Variants in VSX1 observed in about 807,000 individuals in gnomAD.
The protein encoded by VSX1 is homeodomain protein RINX.
Under a neutral mutation model 23.6 loss-of-function variants are expected in VSX1, and 23 were observed. That is an observed-to-expected ratio of 0.97 (90% CI 0.70 to 1.38). The LOEUF is 1.38. Ranked by LOEUF, VSX1 falls within the 40% of genes most tolerant of loss-of-function variation. The pLI is 0.00. For missense variants in VSX1, 517 were observed against 495.4 expected (o/e 1.04, Z -0.41); for synonymous variants, 247 against 215.1 (o/e 1.15, Z -1.30).
intron 1 of VSX1, among the ~76,000 whole-genome samples, chr20:25,080,332 A>G (rs1326556031): frequency 6.6e-6 from 1 of 152,246 alleles, no homozygotes; most frequent in African/African-American, 2.4e-5. Flanking sequence ...CCTGGCTTGG[A>G]TTAAAACATT....
downstream of VSX1, chr20:25,071,145 G>A (rs1180929961): frequency 2.2e-6 from 1 of 454,050 alleles, no homozygotes; most frequent in Non-Finnish European, 4.4e-6. Context: ...GAGGAATCAG[G>A]GCAGAAAAGC....
rs545261094 is a variant in VSX1 at position 25,076,045 on chromosome 20, A to G, written c.*216T>C. The G allele has an allele frequency of 1.6e-6, 1 of 634,064 alleles. No individual in the cohort carries two copies. Among genetic ancestry groups the G allele is most frequent in the East Asian group, 2.8e-5 (1 of 35,446 alleles). The allele number at this position is 634,064 out of a possible 1,614,324, so 39.3% of individuals were successfully genotyped here. On this transcript the variant is annotated 3_prime_UTR_variant, in exon 5 of 5. Transcript: ENST00000376709. ...AGTTTTGCACCAAGTTAACTGGTTA[A>G]AGTGCCATTAAGGAACCGTTTCCAT...
At chr20:25,079,350 G>T in intron 2 of VSX1, 86 bp downstream of exon 2, 1 of 1,368,896 alleles carries the variant, frequency 7.3e-7, no homozygotes, top group Non-Finnish European at 1.0e-6. Context: ...TATCATGCCG[G>T]GCCATAAATT....
chr20:25,074,689 G>A (rs956682131), downstream of VSX1, among the ~76,000 whole-genome samples: 17 of 151,952 alleles, frequency 1.1e-4, no homozygotes, highest in Admixed American at 5.9e-4. Context: ...GTGGCTGCCC[G>A]TATTGTCTAA....
At chr20:25,080,246 T>C (rs555936621) in intron 1 of VSX1, among the ~76,000 whole-genome samples, 3 of 152,360 alleles carry the variant, frequency 2.0e-5, no homozygotes, top group African/African-American at 7.2e-5. Context: ...TGCCTCAAAA[T>C]ATCTTTAAAA....
chr20:25,081,472 A>G, intron 1 of VSX1: 2 of 859,246 alleles, frequency 2.3e-6, no homozygotes, highest in South Asian at 1.3e-5. Flanking sequence ...ACCCCGGATG[A>G]GAGGCAGGGA....
At chr20:25,072,601 T>G (rs571208143), downstream of VSX1, 1 of 471,066 alleles carries the variant, frequency 2.1e-6, no homozygotes, top group Non-Finnish European at 4.4e-6. Context: ...ACAATCGGCT[T>G]AGCAGGTTCA....
chr20:25,079,785 C>T (rs773835329), intron 1 of VSX1, among the ~76,000 whole-genome samples: 6 of 151,908 alleles, frequency 3.9e-5, no homozygotes, highest in East Asian at 3.9e-4. Flanking sequence ...ACTGAGGCAC[C>T]GAATGGTTAA....
downstream of VSX1, among the ~76,000 whole-genome samples, chr20:25,073,290 A>T (rs895690841): frequency 6.6e-6 from 1 of 152,306 alleles, no homozygotes; most frequent in South Asian, 2.1e-4. Flanking sequence ...AACTTAGAAC[A>T]TATTTAAAAA....
In VSX1 at chr20:25,077,689, G is replaced by C; in HGVS notation, c.804C>G (p.Leu268=). Residue 268 remains leucine, a synonymous_variant, in exon 4 of 5, where the codon CTC becomes CTG. Coordinates refer to ENST00000376709, the MANE Select transcript of VSX1 (RefSeq NM_014588.6). ...ATCCCGGGGGCCCTTCCTTACCCAG[G>C]AGCCAGGGCGCGCAGGAGCCCAGCA... is the stretch of plus-strand genomic sequence containing the variant. The part of the protein sequence containing the change: ...GGLLGSCAPW[L]LGMHKKSMGM... The C allele has an allele frequency of 6.5e-7, 1 of 1,547,872 alleles. No homozygotes were observed. The highest frequency in any genetic ancestry group is 1.2e-5 in the South Asian group (1 of 83,992).
intron 1 of VSX1, chr20:25,081,471 G>T (rs1368722422): frequency 7.0e-6 from 6 of 858,946 alleles, no homozygotes; most frequent in Non-Finnish European, 1.2e-5. Flanking sequence ...GACCCCGGAT[G>T]AGAGGCAGGG....
Position 25,080,209 on chromosome 20 carries a change from G to T in VSX1, c.425-695C>A, listed in dbSNP as rs556578860. 2.0e-4 allele frequency among the ~76,000 whole-genome samples: 31 copies of T among 152,332 alleles called. No individual in the cohort carries two copies. The Middle Eastern group carries it at 0.01, about 50-fold the overall frequency. On this transcript the variant is annotated intron_variant, in intron 1 of 4. Coordinates refer to ENST00000376709, the MANE Select transcript of VSX1 (RefSeq NM_014588.6). ...AAGAAGGTTAGAAGGCCAAACTATT[G>T]TGAGATTCATTGCTAGAAGGCATAA...
rs993277334 is a variant in VSX1, at chr20:25,075,922, A to G, written c.*339T>C. On this transcript the variant is annotated 3_prime_UTR_variant, in exon 5 of 5. Coordinates refer to ENST00000376709, the MANE Select transcript of VSX1 (RefSeq NM_014588.6). ...GACATCAGACCTAACCTATTCATCT[A>G]TACAGTACATTGAACCACACATCTC... The G allele has an allele frequency of 7.8e-6, 3 of 386,404 alleles. No homozygotes were observed. The highest frequency in any genetic ancestry group is 1.5e-5 in the Non-Finnish European group (3 of 205,202). The allele number at this position is 386,404 out of a possible 1,614,324, so 23.9% of individuals were successfully genotyped here.
rs1046126649 is a variant in VSX1, at chr20:25,081,892, C to T, written c.205G>A (p.Asp69Asn). 2 of 1,528,646 alleles carry T rather than the reference C, an allele frequency of 1.3e-6. No individual in the cohort carries two copies. Among genetic ancestry groups the T allele is most frequent in the African/African-American group, 1.4e-5 (1 of 72,446 alleles). The allele number at this position is 1,528,646 out of a possible 1,614,324, so 94.7% of individuals were successfully genotyped here. The change falls in exon 1 of 5, where the codon GAC becomes AAC. Residue 69 changes from aspartate to asparagine, a missense_variant. Asp to Asn is a conservative substitution (Grantham distance 23). Transcript: ENST00000376709. Reference protein sequence around the residue: ...AVAPCPGPGLDGSSLARGALP... With the variant: ...AVAPCPGPGLNGSSLARGALP... ...GCCCCACGCGCCAGGCTGGAGCCGT[C>T]AAGCCCCGGGCCCGGGCACGGCGCG...
chr20:25,078,867 G>A lies in VSX1; in HGVS notation c.589C>T (p.Leu197=). Residue 197 remains leucine (L), a synonymous_variant, in exon 3 of 5, where the codon CTG becomes TTG. Coordinates refer to ENST00000376709, the MANE Select transcript of VSX1 (RefSeq NM_014588.6). ...HYPDVYAREM[L]AVKTELPEDR... is the part of the protein sequence containing the mutation. Reference sequence around the variant, plus strand: ...TCGGGGAGCTCAGTTTTCACAGCCAGCATTTCTCGGGCATACACATCAGGG... The same window carrying A: ...TCGGGGAGCTCAGTTTTCACAGCCAACATTTCTCGGGCATACACATCAGGG... 6.2e-7 allele frequency: 1 copy of A among 1,614,208 alleles called. No homozygotes were observed. Among genetic ancestry groups the A allele is most frequent in the Non-Finnish European group, 8.5e-7 (1 of 1,180,034 alleles).
chr20:25,071,997 C>A (rs2122832186), downstream of VSX1: 1 of 623,478 alleles, frequency 1.6e-6, no homozygotes, highest in South Asian at 2.0e-5. Flanking sequence ...TGAACGGGAG[C>A]CTCCAGGAGC....
rs1030275835 is a variant in VSX1, at chr20:25,076,549, C to T, written c.810G>A (p.Gly270=). ...TCATCCCCATGGATTTTTTATGCAT[C>T]CCTTGTAAAAAAAAAAATAAAAAGG... is the stretch of plus-strand genomic sequence containing the variant. ...LLGSCAPWLL[G]MHKKSMGMIR... The change falls in exon 5 of 5, where the codon GGG becomes GGA. Residue 270 remains glycine (G), a splice_region_variant and synonymous_variant. Coordinates refer to ENST00000376709, the MANE Select transcript of VSX1 (RefSeq NM_014588.6). 1 of 1,584,316 alleles carries T rather than the reference C, an allele frequency of 6.3e-7. No homozygotes were observed. The highest frequency in any genetic ancestry group is 8.5e-7 in the Non-Finnish European group (1 of 1,171,956).
In VSX1 at chr20:25,077,849, C is replaced by A. The variant is rs1055936594; in HGVS notation, c.644G>T (p.Arg215Leu). The A allele has an allele frequency of 3.8e-5, 59 of 1,551,832 alleles. No individual in the cohort carries two copies. The highest frequency in any genetic ancestry group is 4.9e-5 in the East Asian group (2 of 41,100). The change falls in exon 4 of 5, where the codon CGC becomes CTC. Residue 215 changes from arginine to leucine, a missense_variant. Coordinates refer to ENST00000376709, the MANE Select transcript of VSX1 (RefSeq NM_014588.6). ...EDRIQVWFQN[R>L]RAKWRKREKR... ...CTCCCGCTTGCGCCATTTGGCCCTG[C>A]GGTTTTGAAACCAGACCTGGTTGGA...
rs550301891 is a variant in VSX1, at chr20:25,081,343, C to A, written c.424+330G>T. 318 of 593,606 alleles carry A rather than the reference C, an allele frequency of 5.4e-4. 3 individuals carry two copies. The East Asian group carries it at 0.012, about 22-fold the overall frequency. 36.8% of individuals were successfully genotyped at this position (593,606 alleles called of 1,614,324 possible). ...CGCAGCTGCCAGAGGCGGAGACTGG[C>A]GCCTGGCGCTGGGGGGAAAAATGGC... On this transcript the variant is annotated intron_variant, in intron 1 of 4. Transcript: ENST00000376709.
Sources: allele counts gnomAD v4.1 joint callset (sites outside exome capture counted in the v4.1 genomes callset), GRCh38; gene constraint gnomAD v4.1.1; transcripts MANE v1.5; gene names NCBI Gene and HGNC (gene_info 2026-07-23, HGNC 2026-07-21).